Variants in LSM12 observed in about 807,000 individuals in gnomAD.
The protein encoded by LSM12 is protein LSM12.
For synonymous variants in LSM12, 74 were observed against 87.3 expected (o/e 0.85, Z 0.85); for missense variants, 108 against 238.9 (o/e 0.45, Z 3.61).
chr17:44,059,297 C>T (rs1032554108), intron 2 of LSM12, among the ~76,000 whole-genome samples: 16 of 152,022 alleles, frequency 1.1e-4, no homozygotes, highest in African/African-American at 3.4e-4. Context: ...AATAGAAAAA[C>T]AGGGGACTTG....
chr17:44,061,094 G>A (rs1481946091), intron 2 of LSM12, among the ~76,000 whole-genome samples: 1 of 152,102 alleles, frequency 6.6e-6, no homozygotes, highest in African/African-American at 2.4e-5. Flanking sequence ...GAGGCGGGCG[G>A]ATCACCTGAG....
intron 2 of LSM12, among the ~76,000 whole-genome samples, chr17:44,047,948 C>G (rs910807723): frequency 8.0e-5 from 12 of 150,362 alleles, no homozygotes. Flanking sequence ...CTTTGGGAGG[C>G]TGAGGAAGGC....
intron 2 of LSM12, among the ~76,000 whole-genome samples, chr17:44,043,123 G>A (rs372037906): frequency 8.9e-4 from 135 of 152,334 alleles, no homozygotes; most frequent in African/African-American, 3.1e-3. Context: ...CAATTGCCAT[G>A]GGTATTCTTG....
chr17:44,057,565 C>A (rs1012395623), intron 2 of LSM12, among the ~76,000 whole-genome samples: 2 of 146,614 alleles, frequency 1.4e-5, no homozygotes, highest in African/African-American at 5.0e-5. Flanking sequence ...TTCAAGACCA[C>A]CCTGGCCAAG....
chr17:44,055,937 T>A (rs1432075297), intron 2 of LSM12, among the ~76,000 whole-genome samples: 1 of 151,502 alleles, frequency 6.6e-6, no homozygotes, highest in Non-Finnish European at 1.5e-5. Context: ...GAATTCAGAA[T>A]AAAAACGAAT....
At chr17:44,055,638 C>A (rs1461447663) in intron 2 of LSM12, among the ~76,000 whole-genome samples, 1 of 148,524 alleles carries the variant, frequency 6.7e-6, no homozygotes, top group African/African-American at 2.5e-5. Context: ...GATCACACCA[C>A]TGCACTCTAG....
chr17:44,053,514 G>A (rs1394959352), intron 2 of LSM12, among the ~76,000 whole-genome samples: 2 of 152,236 alleles, frequency 1.3e-5, no homozygotes, highest in Non-Finnish European at 2.9e-5. Context: ...GTGAGATTCT[G>A]GAGGGCAAGA....
chr17:44,045,438 T>C (rs1439813963), intron 2 of LSM12, among the ~76,000 whole-genome samples: 1 of 152,214 alleles, frequency 6.6e-6, no homozygotes. Flanking sequence ...CTGAGGTTCA[T>C]CCATTTTGTT....
chr17:44,045,776 T>A (rs2049554986), intron 2 of LSM12, among the ~76,000 whole-genome samples: 1 of 151,720 alleles, frequency 6.6e-6, no homozygotes, highest in Admixed American at 6.6e-5. Context: ...TTTCACCGTA[T>A]TGCCCAGGAT....
At chr17:44,066,402 C>T in intron 1 of LSM12, 62 bp downstream of exon 1, 1 of 1,489,910 alleles carries the variant, frequency 6.7e-7, no homozygotes, top group East Asian at 2.9e-5. Flanking sequence ...CGTCGTCCCC[C>T]ACCCCCCGAC....
At chr17:44,042,344 G>T (rs1294905714) in intron 2 of LSM12, among the ~76,000 whole-genome samples, 1 of 152,068 alleles carries the variant, frequency 6.6e-6, no homozygotes, top group Non-Finnish European at 1.5e-5. Context: ...TTAATGCTTG[G>T]AATCTTCAAA....
At chr17:44,036,523 AG>A (rs1483670468) in intron 4 of LSM12, among the ~76,000 whole-genome samples, 1 of 152,234 alleles carries the variant, frequency 6.6e-6, no homozygotes, top group Non-Finnish European at 1.5e-5. Context: ...GGCTAGAAGA[AG>A]GTGAATCTAC....
chr17:44,050,767 C>A (rs1033555192), intron 2 of LSM12, among the ~76,000 whole-genome samples: 1 of 151,630 alleles, frequency 6.6e-6, no homozygotes, highest in African/African-American at 2.4e-5. Flanking sequence ...GTGATCTGCC[C>A]GCTTCAGCCT....
chr17:44,066,390 G>A (rs1343329413), intron 1 of LSM12, 74 bp downstream of exon 1: 3 of 1,489,870 alleles, frequency 2.0e-6, no homozygotes, highest in South Asian at 1.3e-5. Flanking sequence ...CCCAGCCGCC[G>A]CCGTCGTCCC....
At chr17:44,066,765 G>A (rs755852745), upstream of LSM12, 2 of 759,986 alleles carry the variant, frequency 2.6e-6, no homozygotes, top group Non-Finnish European at 3.5e-6. Context: ...AGGAAATAAA[G>A]GGGAATCTGA....
chr17:44,042,663 C>T (rs529318803), intron 2 of LSM12, among the ~76,000 whole-genome samples: 132 of 151,678 alleles, frequency 8.7e-4, no homozygotes, highest in Non-Finnish European at 1.5e-4. Context: ...CTCCCAGGTT[C>T]ACGTCATTCT....
chr17:44,055,671 T>C (rs2144101388), intron 2 of LSM12, among the ~76,000 whole-genome samples: 2 of 146,340 alleles, frequency 1.4e-5, no homozygotes, highest in African/African-American at 5.0e-5. Flanking sequence ...TGAGACCCTG[T>C]CTCAAATATA....
rs958835402 is a variant in LSM12, at chr17:44,066,618, G to GGCGGCA, written c.-37_-32dup. Reference sequence around the variant, plus strand: ...GAGTGCAGCCGCGGCCGGCGGCGGCGGCGGCAGCAGCGGGCGAAAGCCGGG... The same window carrying GGCGGCA: ...GAGTGCAGCCGCGGCCGGCGGCGGCGGCGGCAGCGGCAGCAGCGGGCGAAAGCCGGG... On this transcript the variant is annotated 5_prime_UTR_variant, in exon 1 of 5. Coordinates refer to ENST00000293406, the MANE Select transcript of LSM12 (RefSeq NM_001371445.1). 1.3e-5 allele frequency: 17 copies of GGCGGCA among 1,319,884 alleles called. No individual in the cohort carries two copies. In the Admixed American group the frequency reaches 2.5e-4, roughly 19 times the overall value. 81.8% of individuals were successfully genotyped at this position (1,319,884 alleles called of 1,614,324 possible).
intron 1 of LSM12, among the ~76,000 whole-genome samples, chr17:44,064,716 G>C (rs1201144148): frequency 6.9e-6 from 1 of 145,902 alleles, no homozygotes; most frequent in African/African-American, 2.6e-5. Context: ...CTAGGTGACA[G>C]AGCGAGACTC....
Sources: allele counts gnomAD v4.1 joint callset (sites outside exome capture counted in the v4.1 genomes callset), GRCh38; gene constraint gnomAD v4.1.1; transcripts MANE v1.5; gene names NCBI Gene and HGNC (gene_info 2026-07-23, HGNC 2026-07-21).